Variants in RTN4 observed in about 807,000 individuals in gnomAD.
The protein encoded by RTN4 is reticulon-4.
RTN4 carries 32 observed loss-of-function variants against 90.4 expected under a neutral mutation model. That is an observed-to-expected ratio of 0.35 (90% CI 0.27 to 0.48). RTN4 has a LOEUF of 0.48. Among genes scored for constraint, RTN4 ranks in the 20% least tolerant of loss-of-function variants. The probability of loss-of-function intolerance (pLI) is 0.99; values close to 1 mark genes in which losing one functional copy is unlikely to be tolerated. For synonymous variants in RTN4, 629 were observed against 552.5 expected (o/e 1.14, Z -1.94); for missense variants, 1,706 against 1,430.2 (o/e 1.19, Z -3.11).
At chr2:55,099,656 A>T (rs1355647506) in intron 1 of RTN4, among the ~76,000 whole-genome samples, 1 of 152,082 alleles carries the variant, frequency 6.6e-6, no homozygotes, top group Non-Finnish European at 1.5e-5. Flanking sequence ...ACTAGTGGCT[A>T]AAAGTGCAGG....
intron 1 of RTN4, among the ~76,000 whole-genome samples, chr2:55,112,139 T>C (rs1237476682): frequency 6.6e-6 from 1 of 152,192 alleles, no homozygotes; most frequent in Non-Finnish European, 1.5e-5. Flanking sequence ...TGGGGGAGCG[T>C]GTTCAGGACT....
At chr2:55,127,071 A>G in the RTN4 span, among the ~76,000 whole-genome samples, 5 of 152,160 alleles carry the variant, frequency 3.3e-5, no homozygotes, top group Non-Finnish European at 5.9e-5. Context: ...TGGGCTTAAT[A>G]CCTGGGTGAT....
At chr2:55,054,900 C>T (rs1668162340), upstream of RTN4, among the ~76,000 whole-genome samples, 1 of 152,090 alleles carries the variant, frequency 6.6e-6, no homozygotes, top group Non-Finnish European at 1.5e-5. Flanking sequence ...TTGTGAAATG[C>T]AGTTCATGGT....
intron 1 of RTN4, among the ~76,000 whole-genome samples, chr2:55,048,380 G>GT (rs1247075789): frequency 9.9e-5 from 15 of 152,188 alleles, no homozygotes; most frequent in African/African-American, 3.6e-4. Flanking sequence ...TTAGCTTACT[G>GT]TATCTTTTCT....
intron 2 of RTN4, among the ~76,000 whole-genome samples, chr2:55,077,081 C>T (rs564904709): frequency 6.0e-5 from 9 of 151,172 alleles, no homozygotes; most frequent in East Asian, 3.9e-4. Flanking sequence ...GGCGCGATCT[C>T]GGCTCACTTT....
intron 3 of RTN4, among the ~76,000 whole-genome samples, chr2:54,999,868 G>T (rs1679728022): frequency 6.6e-6 from 1 of 152,112 alleles, no homozygotes; most frequent in South Asian, 2.1e-4. Flanking sequence ...CCACAAAAAG[G>T]ATCTGTGCAG....
upstream of RTN4, among the ~76,000 whole-genome samples, chr2:55,116,875 C>CTTTTTTTTT (rs67265925): frequency 7.9e-6 from 1 of 126,736 alleles, no homozygotes; most frequent in Non-Finnish European, 1.6e-5. Context: ...TCTTTTTTTC[C>CTTTTTTTTT]TTTTTTTTTT....
At chr2:55,060,724 C>A (rs1338580145) in intron 2 of RTN4, 1 of 152,224 alleles carries the variant, frequency 6.6e-6, no homozygotes, top group Admixed American at 6.5e-5. Context: ...ATTTTGAGAC[C>A]AGCCTGGGTA....
chr2:55,071,785 A>T (rs1366805899), intron 2 of RTN4, among the ~76,000 whole-genome samples: 2 of 152,182 alleles, frequency 1.3e-5, no homozygotes, highest in Non-Finnish European at 2.9e-5. Flanking sequence ...GATTCTATGG[A>T]TTTATTAGTG....
At chr2:55,132,574 G>A in the RTN4 span, among the ~76,000 whole-genome samples, 1 of 151,014 alleles carries the variant, frequency 6.6e-6, no homozygotes, top group Non-Finnish European at 1.5e-5. Context: ...CACTTTGGGA[G>A]GCCAAGGGAG....
At chr2:55,100,751 G>A (rs1667838808) in intron 1 of RTN4, among the ~76,000 whole-genome samples, 1 of 152,146 alleles carries the variant, frequency 6.6e-6, no homozygotes, top group East Asian at 1.9e-4. Flanking sequence ...CATCAGCCAT[G>A]CCAAGTTTTC....
chr2:54,987,389 A>G, intron 4 of RTN4, 102 bp downstream of exon 4: 1 of 904,412 alleles, frequency 1.1e-6, no homozygotes, highest in South Asian at 1.4e-5. Context: ...TATCTTTAAC[A>G]AAAAAATGCA....
In RTN4 at chr2:54,973,122, A is replaced by G. The variant is rs369631425; in HGVS notation, c.*34T>C. 1.9e-6 allele frequency: 3 copies of G among 1,578,958 alleles called. No individual in the cohort carries two copies. Among genetic ancestry groups the G allele is most frequent in the Admixed American group, 1.7e-5 (1 of 59,578 alleles). Reference sequence around the variant, plus strand: ...GTATAATCAAATGAATATCCCCTTTAAAGATGAACTCCTACTAATTATTTT... The same window carrying G: ...GTATAATCAAATGAATATCCCCTTTGAAGATGAACTCCTACTAATTATTTT... On this transcript the variant is annotated 3_prime_UTR_variant, in exon 9 of 9. Transcript: ENST00000337526.
chr2:55,104,337 G>A (rs1326808968), intron 1 of RTN4, among the ~76,000 whole-genome samples: 3 of 151,536 alleles, frequency 2.0e-5, no homozygotes, highest in Non-Finnish European at 2.9e-5. Context: ...GATTACAGGC[G>A]TGAGCCACCA....
intron 3 of RTN4, among the ~76,000 whole-genome samples, chr2:54,993,428 T>C (rs1030107351): frequency 6.6e-6 from 1 of 152,182 alleles, no homozygotes; most frequent in Non-Finnish European, 1.5e-5. Flanking sequence ...TATAACTAAG[T>C]TGATGATTCT....
rs568875144 is a variant in RTN4, at chr2:55,021,653, T to A, written c.3013+3433A>T. ...TTACCTGCTTTTAACAGATGCCTGT[T>A]ATATAATCAAGTCAAGAAAATTATT... On this transcript the variant is annotated intron_variant, in intron 3 of 8. Transcript: ENST00000337526. 2.6e-5 allele frequency among the ~76,000 whole-genome samples: 4 copies of A among 152,270 alleles called. No individual in the cohort carries two copies. In the South Asian group the frequency reaches 8.3e-4, roughly 32 times the overall value.
chr2:55,063,653 G>C (rs1401414600), intron 2 of RTN4, among the ~76,000 whole-genome samples: 1 of 152,000 alleles, frequency 6.6e-6, no homozygotes, highest in African/African-American at 2.4e-5. Flanking sequence ...GGCCAAGGTG[G>C]GTGGATCACC....
At chr2:55,032,069 T>C (rs532968631) in intron 1 of RTN4, among the ~76,000 whole-genome samples, 2 of 151,150 alleles carry the variant, frequency 1.3e-5, no homozygotes, top group East Asian at 1.9e-4. Context: ...ACAAATAACG[T>C]AGACGTTGGA....
Position 55,010,904 on chromosome 2 carries a change from T to A in RTN4, c.3013+14182A>T, listed in dbSNP as rs1001099000. ...TTAATCATCATCTGCTCCAACTCAA[T>A]CTTTGAATATTTATTAGACACCTCT... On this transcript the variant is annotated intron_variant, in intron 3 of 8. Coordinates refer to ENST00000337526, the MANE Select transcript of RTN4 (RefSeq NM_020532.5). 5.9e-5 allele frequency among the ~76,000 whole-genome samples: 9 copies of A among 152,326 alleles called. No homozygotes were observed. The East Asian group carries it at 1.7e-3, about 29-fold the overall frequency.
Sources: gnomAD v4.1 joint callset for allele counts (sites outside exome capture counted in the v4.1 genomes callset) on GRCh38, gnomAD v4.1.1 for gene constraint, MANE v1.5 for transcripts, NCBI Gene and HGNC (gene_info 2026-07-23, HGNC 2026-07-21) for gene names.